The following PRKG1 variants were observed in gnomAD, a reference collection of about 807,000 sequenced individuals.
PRKG1 encodes protein kinase cGMP-dependent 1.
A neutral mutation model predicts 88.1 loss-of-function variants in PRKG1; 35 were observed. The observed-to-expected ratio is 0.40, with a 90% CI of 0.30 to 0.53. The LOEUF is 0.53. Among genes scored for constraint, PRKG1 ranks in the 20% least tolerant of loss-of-function variants. The pLI is 0.59. For synonymous variants in PRKG1, 303 were observed against 292.5 expected (o/e 1.04, Z -0.37); for missense variants, 540 against 839.8 (o/e 0.64, Z 4.41).
chr10:51,624,347 C>T (rs930748574), intron 3 of PRKG1, among the ~76,000 whole-genome samples: 4 of 152,166 alleles, frequency 2.6e-5, no homozygotes, highest in African/African-American at 7.2e-5. Context: ...GGAAGCTGCT[C>T]AATTAAGCTT....
At chr10:52,005,213 C>A (rs997937183) in intron 5 of PRKG1, among the ~76,000 whole-genome samples, 1 of 150,000 alleles carries the variant, frequency 6.7e-6, no homozygotes, top group Non-Finnish European at 1.5e-5. Context: ...TACAATATAG[C>A]AATGTGGCTT....
intron 9 of PRKG1, among the ~76,000 whole-genome samples, chr10:52,218,773 G>C (rs1330551065): frequency 1.3e-5 from 2 of 152,094 alleles, no homozygotes; most frequent in Non-Finnish European, 2.9e-5. Context: ...CAAAGTGTTT[G>C]ATGAGCAAAA....
intron 3 of PRKG1, among the ~76,000 whole-genome samples, chr10:51,673,685 A>G (rs1240391332): frequency 6.6e-6 from 1 of 152,180 alleles, no homozygotes; most frequent in Non-Finnish European, 1.5e-5. Flanking sequence ...CATGTGGGAT[A>G]TTGTATCTTT....
intron 3 of PRKG1, among the ~76,000 whole-genome samples, chr10:51,667,530 A>G (rs755798624): frequency 1.3e-4 from 20 of 152,168 alleles, no homozygotes; most frequent in Non-Finnish European, 2.5e-4. Flanking sequence ...TGAGGAAAAA[A>G]TAAGAGGTGA....
chr10:51,503,677 C>T (rs1165167307), intron 3 of PRKG1, among the ~76,000 whole-genome samples: 1 of 152,036 alleles, frequency 6.6e-6, no homozygotes, highest in Non-Finnish European at 1.5e-5. Flanking sequence ...GTCAATCAGT[C>T]CTCTAATTCT....
chr10:51,186,954 T>TTATATA lies in PRKG1; in HGVS notation c.478+33648_478+33653dup, dbSNP rs3061211. ...AAAATGAGTTTTGCAAGGCCCTGTG[T>TTATATA]TATATATATATATATATATATATAT... On this transcript the variant is annotated intron_variant, in intron 2 of 17. Coordinates refer to ENST00000373980, the MANE Select transcript of PRKG1 (RefSeq NM_006258.4). Among the ~76,000 whole-genome samples, 736 of 131,046 alleles carry TTATATA rather than the reference T, an allele frequency of 5.6e-3. 6 individuals are homozygous for TTATATA. Among genetic ancestry groups the TTATATA allele is most frequent in the African/African-American group, 0.017 (570 of 33,236 alleles). 86.0% of individuals were successfully genotyped at this position (131,046 alleles called of 152,430 possible).
At chr10:52,111,923 C>A (rs572448494) in intron 7 of PRKG1, among the ~76,000 whole-genome samples, 1 of 152,146 alleles carries the variant, frequency 6.6e-6, no homozygotes. Context: ...CTTCTTAAAG[C>A]TTATGATAGT....
chr10:51,991,115 C>T (rs1366871045), intron 5 of PRKG1, among the ~76,000 whole-genome samples: 2 of 152,028 alleles, frequency 1.3e-5, no homozygotes, highest in Admixed American at 6.6e-5. Flanking sequence ...GGATTGTTCA[C>T]CTCATTTCAT....
intron 8 of PRKG1, among the ~76,000 whole-genome samples, chr10:52,153,928 A>G (rs1589654535): frequency 6.6e-6 from 1 of 152,182 alleles, no homozygotes. Flanking sequence ...TATTTCTAGT[A>G]GAGAAGGGCT....
chr10:51,240,774 G>A (rs144037881), intron 2 of PRKG1, among the ~76,000 whole-genome samples: 29 of 152,222 alleles, frequency 1.9e-4, no homozygotes, highest in African/African-American at 7.0e-4. Context: ...GTCAATGGAA[G>A]AAAACTCCCT....
chr10:51,716,320 T>C (rs1487151157), intron 3 of PRKG1, among the ~76,000 whole-genome samples: 1 of 152,212 alleles, frequency 6.6e-6, no homozygotes, highest in Non-Finnish European at 1.5e-5. Context: ...GGAGGATATT[T>C]GAGTGTCTTC....
chr10:51,991,719 T>G (rs1844313012), intron 5 of PRKG1, among the ~76,000 whole-genome samples: 1 of 152,370 alleles, frequency 6.6e-6, no homozygotes, highest in East Asian at 1.9e-4. Context: ...CTCATCATTT[T>G]TTATGGCTGC....
chr10:51,272,556 G>T (rs1347894943), intron 2 of PRKG1, among the ~76,000 whole-genome samples: 2 of 152,000 alleles, frequency 1.3e-5, no homozygotes, highest in Non-Finnish European at 2.9e-5. Flanking sequence ...CCACTTTAAG[G>T]TTATAAAGAA....
At chr10:51,486,367 T>C (rs1008242676) in intron 3 of PRKG1, among the ~76,000 whole-genome samples, 3 of 152,168 alleles carry the variant, frequency 2.0e-5, no homozygotes, top group African/African-American at 7.2e-5. Context: ...TTGGAGGTTA[T>C]GGATAGGTTT....
chr10:51,188,909 A>G (rs370967352), intron 2 of PRKG1, among the ~76,000 whole-genome samples: 1 of 151,954 alleles, frequency 6.6e-6, no homozygotes, highest in Non-Finnish European at 1.5e-5. Context: ...TAGGATGCCA[A>G]ATCATTTATG....
intron 3 of PRKG1, among the ~76,000 whole-genome samples, chr10:51,688,962 GT>G (rs977197987): frequency 3.2e-4 from 49 of 152,212 alleles, no homozygotes; most frequent in African/African-American, 1.2e-3. Flanking sequence ...TTCCCATGCT[GT>G]TTTCATGATA....
intron 10 of PRKG1, among the ~76,000 whole-genome samples, chr10:52,262,294 T>C (rs780635725): frequency 5.9e-5 from 9 of 152,066 alleles, no homozygotes; most frequent in Non-Finnish European, 1.3e-4. Flanking sequence ...GTTTTTGAGA[T>C]AGAGTCTTGC....
intron 1 of PRKG1, among the ~76,000 whole-genome samples, chr10:51,082,651 C>A (rs1308674846): frequency 6.6e-6 from 1 of 151,824 alleles, no homozygotes; most frequent in East Asian, 1.9e-4. Flanking sequence ...ATAAAGTGTT[C>A]ATCTAAAGAG....
intron 9 of PRKG1, among the ~76,000 whole-genome samples, chr10:52,170,981 T>C (rs2132708555): frequency 6.6e-6 from 1 of 152,280 alleles, no homozygotes; most frequent in East Asian, 1.9e-4. Context: ...AGGACCTAGG[T>C]CTGCATTGTT....
Sources: gnomAD v4.1 joint callset for allele counts (sites outside exome capture counted in the v4.1 genomes callset) on GRCh38, gnomAD v4.1.1 for gene constraint, MANE v1.5 for transcripts, NCBI Gene and HGNC (gene_info 2026-07-23, HGNC 2026-07-21) for gene names.